Variants in ITGA5 observed in about 807,000 individuals in gnomAD.
The protein encoded by ITGA5 is integrin subunit alpha 5, also known as integrin alpha-5.
Under a neutral mutation model 146.3 loss-of-function variants are expected in ITGA5, and 55 were observed. That is an observed-to-expected ratio of 0.38 (90% CI 0.30 to 0.47). ITGA5 has a LOEUF of 0.47. ITGA5 is among the 20% of genes least tolerant of loss of function. The pLI is 0.99. For synonymous variants in ITGA5, 500 were observed against 531.8 expected (o/e 0.94, Z 0.82); for missense variants, 1,131 against 1,329.0 (o/e 0.85, Z 2.32).
intron 2 of ITGA5, among the ~76,000 whole-genome samples, chr12:54,410,783 G>A (rs922002563): frequency 6.6e-6 from 1 of 151,320 alleles, no homozygotes; most frequent in Non-Finnish European, 1.5e-5. Flanking sequence ...CTGGAGTGCA[G>A]TGACATGATT....
In ITGA5 at chr12:54,409,067, G is replaced by A; in HGVS notation, c.584-113C>T. 1 of 1,400,118 alleles carries A rather than the reference G, an allele frequency of 7.1e-7. No individual in the cohort carries two copies. The allele number at this position is 1,400,118 out of a possible 1,614,324, so 86.7% of individuals were successfully genotyped here. ...GAGAACCAGAGAAAGGGCCTTCCTG[G>A]ACCAGACAGTAAGCATAAAGGCTAA... On this transcript the variant is annotated intron_variant, in intron 4 of 29. Transcript: ENST00000293379. This position sits in a 1 kb window ranked among gnomAD's most constrained non-coding sequence, Gnocchi z 4.7.
At chr12:54,418,859 G>C in intron 1 of ITGA5, 122 bp downstream of exon 1, 1 of 1,204,282 alleles carries the variant, frequency 8.3e-7, no homozygotes, top group South Asian at 1.5e-5. Context: ...CCCAACTGCA[G>C]CTCTATTCCT....
intron 1 of ITGA5, among the ~76,000 whole-genome samples, chr12:54,414,473 A>G (rs1955980970): frequency 6.6e-6 from 1 of 152,200 alleles, no homozygotes; most frequent in African/African-American, 2.4e-5. Flanking sequence ...CTGGAATTAT[A>G]TCAACTTATG....
At chr12:54,400,088 AG>A (rs1955768982) in intron 25 of ITGA5, 141 bp from the exon 26 acceptor site, 1 of 649,746 alleles carries the variant, frequency 1.5e-6, no homozygotes, top group Non-Finnish European at 2.8e-6. Context: ...CCTATGCGCA[AG>A]GCACTGAGCT....
Position 54,401,813 on chromosome 12 carries a change from T to G in ITGA5, c.2269A>C (p.Thr757Pro), listed in dbSNP as rs777240132. The change falls in exon 22 of 30, where the codon ACT becomes CCT. Residue 757 changes from threonine (T) to proline (P), a missense_variant. Coordinates refer to ENST00000293379, the MANE Select transcript of ITGA5 (RefSeq NM_002205.5). The surrounding 1 kb of genome is among the most constrained non-coding windows in gnomAD (Gnocchi z 5.0). ...AAGTCAAACTGGATGGTTTTCTTAG[T>G]GTCCCGGAGATGAGGGACTGTAAAC... ...LRFTVPHLRD[T>P]KKTIQFDFQI... The G allele has an allele frequency of 6.2e-7, 1 of 1,614,138 alleles. No individual in the cohort carries two copies. The highest frequency in any genetic ancestry group is 1.1e-5 in the South Asian group (1 of 91,082).
In ITGA5 at chr12:54,399,963, T is replaced by A. The variant is rs749414907; in HGVS notation, c.2644-16A>T. 11 of 1,598,616 alleles carry A rather than the reference T, an allele frequency of 6.9e-6. No individual in the cohort carries two copies. Among genetic ancestry groups the A allele is most frequent in the Non-Finnish European group, 8.6e-6 (10 of 1,166,054 alleles). On this transcript the variant is annotated splice_polypyrimidine_tract_variant and intron_variant, in intron 25 of 29. Coordinates refer to ENST00000293379, the MANE Select transcript of ITGA5 (RefSeq NM_002205.5). ...CGGGATCCAACTATAAAAGAAAGTG[T>A]TGGGCCCCTTTCCCATCTCATTACA...
At chr12:54,408,379 A>G (rs1955895011) in intron 6 of ITGA5, 144 bp from the exon 7 acceptor site, 3 of 903,666 alleles carry the variant, frequency 3.3e-6, no homozygotes, top group Non-Finnish European at 5.0e-6. Context: ...GCTTCAGGAA[A>G]GGAAGAGGAG....
chr12:54,407,863 A>T lies in ITGA5; in HGVS notation c.831T>A (p.Ala277=), dbSNP rs771791437. 1.0e-5 allele frequency: 16 copies of T among 1,588,566 alleles called. No homozygotes were observed. Among genetic ancestry groups the T allele is most frequent in the Non-Finnish European group, 1.4e-5 (16 of 1,165,768 alleles). Residue 277 remains alanine (A), a synonymous_variant, in exon 8 of 30, where the codon GCT becomes GCA. Transcript: ENST00000293379. ...YDDSYLGYSV[A]VGEFSGDDTE... is the part of the protein sequence containing the mutation. ...TGTCATCACCACTGAATTCACCAAC[A>T]GCCACAGAGTATCCTGGGGGACAGG... is the stretch of plus-strand genomic sequence containing the variant.
intron 29 of ITGA5, 157 bp downstream of exon 29, chr12:54,397,208 T>G: frequency 1.5e-6 from 1 of 656,760 alleles, no homozygotes; most frequent in South Asian, 2.1e-5. Context: ...AAGGGGGGGA[T>G]CTTATAGGAA....
intron 25 of ITGA5, chr12:54,400,617 G>A (rs1955773565): frequency 4.0e-6 from 2 of 504,490 alleles, no homozygotes; most frequent in Non-Finnish European, 7.0e-6. Context: ...GGGCCCTAGG[G>A]GTATGCCGGG....
chr12:54,398,499 G>T, intron 28 of ITGA5, 98 bp downstream of exon 28: 1 of 794,528 alleles, frequency 1.3e-6, no homozygotes, highest in Non-Finnish European at 2.1e-6. Context: ...CTCAACAGTT[G>T]TTAACAATAC....
chr12:54,406,769 C>T (rs1462058541), intron 9 of ITGA5, among the ~76,000 whole-genome samples: 3 of 152,176 alleles, frequency 2.0e-5, no homozygotes, highest in South Asian at 4.1e-4. Context: ...CTTCATAGAA[C>T]CTTCTCTCAT....
intron 6 of ITGA5, 41 bp downstream of exon 6, chr12:54,408,709 CAAAAAA>C (rs762766669): frequency 3.3e-4 from 399 of 1,194,748 alleles, no homozygotes; most frequent in Non-Finnish European, 3.8e-4. Flanking sequence ...GACTTCGTCT[CAAAAAA>C]AAAAAAAAAA....
At position 54,403,204 on chromosome 12, in the gene ITGA5, T is replaced by C; in HGVS notation, c.1897A>G (p.Ser633Gly). The change falls in exon 18 of 30, where the codon AGC becomes GGC. Residue 633 changes from serine (S) to glycine (G), a missense_variant. Around this residue, in one of 3 missense-constraint regions of ITGA5, gnomAD observed 889 missense variants for 1,021.5 expected, o/e 0.87. Transcript: ENST00000293379. The surrounding 1 kb of genome is among the most constrained non-coding windows in gnomAD (Gnocchi z 4.9). The stretch of plus-strand genomic sequence containing the variant: ...GTCCTCACCTTGTCCTCTATCCGGC[T>C]CTTGCTCTGATAATGTAGGGCTGGC... ...LRPALHYQSK[S>G]RIEDKAQILL... 1.3e-6 allele frequency: 2 copies of C among 1,560,772 alleles called. No homozygotes were observed. Among genetic ancestry groups the C allele is most frequent in the Non-Finnish European group, 1.7e-6 (2 of 1,154,860 alleles).
At chr12:54,404,505 A>G in intron 13 of ITGA5, 30 bp from the exon 14 acceptor site, 2 of 1,613,212 alleles carry the variant, frequency 1.2e-6, no homozygotes, top group Non-Finnish European at 1.7e-6. Context: ...CACCTCTTAC[A>G]GCAAGCCCCA....
chr12:54,405,897 T>C lies in ITGA5; in HGVS notation c.936A>G (p.Arg312=). 6.2e-7 allele frequency: 1 copy of C among 1,614,010 alleles called. No individual in the cohort carries two copies. Among genetic ancestry groups the C allele is most frequent in the South Asian group, 1.1e-5 (1 of 91,074 alleles). ...YVTILNGSDI[R]SLYNFSGEQM... ...GTTCCCCTGAGAAGTTGTAGAGGGA[T>C]CGAATGTCTGAGCCATTAAGGATGG... is the stretch of plus-strand genomic sequence containing the variant. The change falls in exon 10 of 30, where the codon CGA becomes CGG. Residue 312 remains arginine, a synonymous_variant. Transcript: ENST00000293379.
Position 54,405,260 on chromosome 12 carries a change from G to A in ITGA5, c.1131C>T (p.Pro377=), listed in dbSNP as rs1294672461. ...VYLQHPAGIE[P]TPTLTLTGHD... is the part of the protein sequence containing the mutation. Reference sequence around the variant, plus strand: ...GGCCAGTGAGGGTAAGGGTGGGCGTGGGCTCTATGCCGGCTGGGTGCTGCA... The same window carrying A: ...GGCCAGTGAGGGTAAGGGTGGGCGTAGGCTCTATGCCGGCTGGGTGCTGCA... Residue 377 remains proline, a synonymous_variant, in exon 12 of 30, where the codon CCC becomes CCT. Transcript: ENST00000293379. 6.2e-6 allele frequency: 10 copies of A among 1,613,844 alleles called. No individual in the cohort carries two copies. Among genetic ancestry groups the A allele is most frequent in the Non-Finnish European group, 8.5e-6 (10 of 1,179,928 alleles).
In ITGA5 at chr12:54,416,547, T is replaced by C. The variant is rs571812806; in HGVS notation, c.218+2434A>G. Among the ~76,000 whole-genome samples the C allele has an allele frequency of 7.7e-5, 11 of 142,694 alleles. No individual in the cohort carries two copies. The highest frequency in any genetic ancestry group is 1.3e-4 in the Admixed American group (2 of 14,896). 93.6% of individuals were successfully genotyped at this position (142,694 alleles called of 152,430 possible). ...CAAAGCAAGTAAGAAATGAGGGAAC[T>C]AGGCGGTAGCCAGGAAGGAGAGAAC... On this transcript the variant is annotated intron_variant, in intron 1 of 29. Coordinates refer to ENST00000293379, the MANE Select transcript of ITGA5 (RefSeq NM_002205.5). This position sits in a 1 kb window ranked among gnomAD's most constrained non-coding sequence, Gnocchi z 4.1.
chr12:54,415,080 G>A (rs987205036), intron 1 of ITGA5, among the ~76,000 whole-genome samples: 1 of 152,176 alleles, frequency 6.6e-6, no homozygotes, highest in African/African-American at 2.4e-5. Flanking sequence ...CCAGGGAGGT[G>A]GGGGTTGCGG....
Sources: gnomAD v4.1 joint callset for allele counts (sites outside exome capture counted in the v4.1 genomes callset) on GRCh38, gnomAD v4.1.1 for gene constraint, gnomAD v4.1.1 regional missense constraint, Gnocchi (gnomAD v3.1) non-coding constraint, MANE v1.5 for transcripts, NCBI Gene and HGNC (gene_info 2026-07-23, HGNC 2026-07-21) for gene names.